KMT2E: variants seen among roughly 807,000 people sequenced by gnomAD.
The protein encoded by KMT2E is histone reader KMT2E.
KMT2E carries 30 observed loss-of-function variants against 184.6 expected under a neutral mutation model. That is an observed-to-expected ratio of 0.16 (90% CI 0.12 to 0.22). The LOEUF (loss-of-function observed/expected upper bound fraction) is 0.22, where lower values mean the gene tolerates loss of function less well. Ranked by LOEUF, KMT2E falls within the 10% of genes least tolerant of loss-of-function variation. The pLI, the probability that KMT2E is intolerant of heterozygous loss-of-function variation, is 1.00. For synonymous variants in KMT2E, 815 were observed against 776.5 expected (o/e 1.05, Z -0.82); for missense variants, 2,023 against 2,237.4 (o/e 0.90, Z 1.93).
rs1235565900 is a variant in KMT2E, at chr7:105,111,825, C to T, written c.4069C>T (p.Pro1357Ser). ...TATATAATTTGTTTTCTCTTCATAG[C>T]CTGGTTCACCTGGATCTGTAATTCC... ...TCKSPPKMSK[P>S]GSPGSVIPAQ... Residue 1357 changes from proline to serine, a missense_variant and splice_region_variant, in exon 27 of 27, where the codon CCT (proline) becomes TCT (serine). Transcript: ENST00000311117. The T allele has an allele frequency of 4.4e-6, 7 of 1,607,842 alleles. No homozygotes were observed. The highest frequency in any genetic ancestry group is 1.1e-5 in the South Asian group (1 of 89,966).
In KMT2E at chr7:105,076,011, G is replaced by C. The variant is rs183978009; in HGVS notation, c.730-32G>C. 5.2e-6 allele frequency: 8 copies of C among 1,535,386 alleles called. No homozygotes were observed. In the African/African-American group the frequency reaches 1.1e-4, roughly 21 times the overall value. ...AATATTAATTATGTCCAGTTTTTTA[G>C]GAAACTAACTAGAATTCCATGTTTA... is the stretch of plus-strand genomic sequence containing the variant. On this transcript the variant is annotated intron_variant, in intron 8 of 26. Coordinates refer to ENST00000311117, the MANE Select transcript of KMT2E (RefSeq NM_182931.3).
chr7:105,087,300 TATATAA>T (rs977593836), intron 13 of KMT2E, among the ~76,000 whole-genome samples: 14 of 147,592 alleles, frequency 9.5e-5, no homozygotes, highest in Admixed American at 1.4e-4. Flanking sequence ...ATATATATAA[TATATAA>T]ATATAAATAT....
chr7:105,046,952 A>G (rs1040411171), intron 3 of KMT2E, among the ~76,000 whole-genome samples: 8 of 152,220 alleles, frequency 5.3e-5, no homozygotes, highest in African/African-American at 1.9e-4. Flanking sequence ...TCCAGAATGT[A>G]GTTGTACTTA....
chr7:105,112,844 A>G lies in KMT2E; in HGVS notation c.5088A>G (p.Pro1696=), dbSNP rs750675021. 72 of 1,267,932 alleles carry G rather than the reference A, an allele frequency of 5.7e-5. No homozygotes were observed. Among genetic ancestry groups the G allele is most frequent in the Non-Finnish European group, 7.2e-5 (71 of 979,988 alleles). The allele number at this position is 1,267,932 out of a possible 1,614,324, so 78.5% of individuals were successfully genotyped here. Residue 1696 remains proline (P), a synonymous_variant, in exon 27 of 27, where the codon CCA becomes CCG. Transcript: ENST00000311117. ...PAPHHHPPPH[P]STGLQGLQAQ... is the part of the protein sequence containing the mutation. ...CTCATCACCATCCACCACCCCATCC[A>G]TCCACAGGACTCCAAGGTCTACAAG...
rs543520426 is a variant in KMT2E, at chr7:105,080,045, C to G, written c.1248+1082C>G. 5.3e-5 allele frequency among the ~76,000 whole-genome samples: 8 copies of G among 151,800 alleles called. No individual in the cohort carries two copies. In the South Asian group the frequency reaches 1.7e-3, roughly 32 times the overall value. On this transcript the variant is annotated intron_variant, in intron 12 of 26. Coordinates refer to ENST00000311117, the MANE Select transcript of KMT2E (RefSeq NM_182931.3). ...AATTTTTTGTAGAGTTGGGTTCTCCCTATGTTGTCCAGACTGGTCTGGAGC... is the reference window on the plus strand; with the variant it reads ...AATTTTTTGTAGAGTTGGGTTCTCCGTATGTTGTCCAGACTGGTCTGGAGC...
At chr7:105,100,091 TAGG>T (rs1562927028) in intron 15 of KMT2E, among the ~76,000 whole-genome samples, 1 of 152,190 alleles carries the variant, frequency 6.6e-6, no homozygotes, top group South Asian at 2.1e-4. Context: ...CGTCCCAGAC[TAGG>T]AGAAGTGAGA....
intron 1 of KMT2E, among the ~76,000 whole-genome samples, 163 bp downstream of exon 1, chr7:105,014,698 A>T (rs538777572): frequency 1.3e-5 from 2 of 151,742 alleles, no homozygotes; most frequent in African/African-American, 4.8e-5. Context: ...CTTAAATCGA[A>T]TTTATTCTTT....
intron 3 of KMT2E, among the ~76,000 whole-genome samples, chr7:105,058,509 G>T (rs1389988967): frequency 1.3e-5 from 2 of 152,042 alleles, no homozygotes; most frequent in African/African-American, 4.8e-5. Flanking sequence ...AGCTGTTGGG[G>T]AATTTCTAAA....
At chr7:105,081,585 T>C in intron 12 of KMT2E, 103 bp from the exon 13 acceptor site, 1 of 687,232 alleles carries the variant, frequency 1.5e-6, no homozygotes, top group South Asian at 1.7e-5. Context: ...TTCCAGGTTG[T>C]GTTTGTGAAA....
At chr7:105,084,308 A>G (rs1183412013) in intron 13 of KMT2E, among the ~76,000 whole-genome samples, 6 of 152,186 alleles carry the variant, frequency 3.9e-5, no homozygotes, top group Admixed American at 6.5e-5. Flanking sequence ...GGCACTTTGT[A>G]TAGGTCACAT....
chr7:105,098,406 ATTTT>A (rs1798514168), intron 15 of KMT2E, among the ~76,000 whole-genome samples: 1 of 151,190 alleles, frequency 6.6e-6, no homozygotes, highest in Non-Finnish European at 1.5e-5. Context: ...TGTTCCACTA[ATTTT>A]TTTGTTTGTT....
intron 6 of KMT2E, among the ~76,000 whole-genome samples, chr7:105,067,574 CA>C (rs1420933825): frequency 5.9e-5 from 9 of 152,258 alleles, no homozygotes; most frequent in Admixed American, 5.9e-4. Context: ...TGTTTTAAGG[CA>C]AATCCCAGAT....
chr7:105,046,344 G>C (rs905565398), intron 3 of KMT2E, among the ~76,000 whole-genome samples: 3 of 151,998 alleles, frequency 2.0e-5, no homozygotes, highest in African/African-American at 7.2e-5. Context: ...TCTAAATTCA[G>C]ACTCCTTTTA....
At chr7:105,076,536 A>G (rs1797532225) in intron 9 of KMT2E, among the ~76,000 whole-genome samples, 1 of 152,224 alleles carries the variant, frequency 6.6e-6, no homozygotes, top group Non-Finnish European at 1.5e-5. Flanking sequence ...GATCGATGGT[A>G]GCTAAAAAGT....
chr7:105,036,203 G>T (rs1272955283), intron 1 of KMT2E, among the ~76,000 whole-genome samples: 1 of 144,130 alleles, frequency 6.9e-6, no homozygotes. Flanking sequence ...TTTTTTGGCA[G>T]AGTCTGTCAC....
intron 1 of KMT2E, 30 bp downstream of exon 1, chr7:105,014,565 C>G (rs1794628187): frequency 6.6e-6 from 1 of 151,994 alleles, no homozygotes; most frequent in African/African-American, 2.4e-5. Context: ...ATGGGAGTTC[C>G]TGGGGCTTGC....
intron 25 of KMT2E, 55 bp from the exon 26 acceptor site, chr7:105,110,716 A>G: frequency 6.3e-7 from 1 of 1,583,346 alleles, no homozygotes; most frequent in Non-Finnish European, 8.7e-7. Context: ...TGTGGTGTTA[A>G]AACAGTGTTT....
At chr7:105,087,206 C>A (rs1263047286) in intron 13 of KMT2E, among the ~76,000 whole-genome samples, 6 of 144,258 alleles carry the variant, frequency 4.2e-5, no homozygotes, top group African/African-American at 1.5e-4. Context: ...TATATATATG[C>A]TTATATAATA....
At chr7:105,023,325 C>G (rs1198700448) in intron 1 of KMT2E, among the ~76,000 whole-genome samples, 2 of 142,408 alleles carry the variant, frequency 1.4e-5, no homozygotes, top group Admixed American at 1.5e-4. Flanking sequence ...TCGCTTGAAC[C>G]TGGGAGGCAG....
Sources: allele counts gnomAD v4.1 joint callset (sites outside exome capture counted in the v4.1 genomes callset), GRCh38; gene constraint gnomAD v4.1.1; transcripts MANE v1.5; gene names NCBI Gene and HGNC (gene_info 2026-07-23, HGNC 2026-07-21).